Variants in DMXL1 observed in about 807,000 individuals in gnomAD.
DMXL1 encodes the protein dmX-like protein 1.
Under a neutral mutation model 319.2 loss-of-function variants are expected in DMXL1, and 99 were observed. The observed-to-expected ratio is 0.31, with a 90% CI of 0.26 to 0.37. The LOEUF is 0.37. Among genes scored for constraint, DMXL1 ranks in the 10% least tolerant of loss-of-function variants. The probability of loss-of-function intolerance (pLI) is 1.00; values close to 1 mark genes in which losing one functional copy is unlikely to be tolerated. For missense variants in DMXL1, 3,745 were observed against 3,595.6 expected, an observed-to-expected ratio of 1.04 and a Z score of -1.06; for synonymous variants, 1,385 against 1,235.2, an observed-to-expected ratio of 1.12 and a Z score of -2.54.
rs139811332 is a variant in DMXL1, at chr5:119,194,235, A to G, written c.7457+265A>G. 6.6e-5 allele frequency among the ~76,000 whole-genome samples: 10 copies of G among 152,296 alleles called. No individual in the cohort carries two copies. In the South Asian group the frequency reaches 8.3e-4, roughly 13 times the overall value. ...ATTTATCACATACCTTTGGTTGTCC[A>G]TTAATGGACCATCCGTAATTTGCAT... is the stretch of plus-strand genomic sequence containing the variant. On this transcript the variant is annotated intron_variant, in intron 30 of 43. Transcript: ENST00000539542.
chr5:119,135,354 G>C (rs1225343884), intron 13 of DMXL1, among the ~76,000 whole-genome samples: 1 of 152,134 alleles, frequency 6.6e-6, no homozygotes, highest in East Asian at 1.9e-4. Flanking sequence ...GAAGAATTAG[G>C]AATTGCCAAG....
In DMXL1 at chr5:119,164,590, G is replaced by A. The variant is rs1773020653; in HGVS notation, c.4786G>A (p.Asp1596Asn). The change falls in exon 20 of 44, where the codon GAT becomes AAT. Residue 1596 changes from aspartate to asparagine, a missense_variant. By Grantham distance (23) the Asp-to-Asn change is conservative. Coordinates refer to ENST00000539542, the MANE Select transcript of DMXL1 (RefSeq NM_001290321.3). Reference sequence around the variant, plus strand: ...GAACATGTTGCCAGCCATGCAGAAAGATGATCCCACTTGGTCTGAACTAAG... The same window carrying A: ...GAACATGTTGCCAGCCATGCAGAAAAATGATCCCACTTGGTCTGAACTAAG... ...LLNMLPAMQKDDPTWSELRAM... is the reference protein window; with the variant it reads ...LLNMLPAMQKNDPTWSELRAM... 6.2e-7 allele frequency: 1 copy of A among 1,614,196 alleles called. No homozygotes were observed. Among genetic ancestry groups the A allele is most frequent in the African/African-American group, 1.3e-5 (1 of 75,068 alleles).
At chr5:119,082,173 G>T (rs1265032396) in intron 1 of DMXL1, among the ~76,000 whole-genome samples, 4 of 151,748 alleles carry the variant, frequency 2.6e-5, no homozygotes, top group African/African-American at 7.3e-5. Context: ...GTGTAGTGGC[G>T]CAGTCGTAAC....
intron 4 of DMXL1, among the ~76,000 whole-genome samples, chr5:119,109,523 G>A (rs1226884068): frequency 6.6e-6 from 1 of 152,060 alleles, no homozygotes; most frequent in African/African-American, 2.4e-5. Flanking sequence ...TCTCACCTTG[G>A]CATTTTTTCC....
At chr5:119,217,009 T>C in intron 35 of DMXL1, 22 bp downstream of exon 35, 1 of 1,310,290 alleles carries the variant, frequency 7.6e-7, no homozygotes, top group South Asian at 1.5e-5. Context: ...GACATTCTTC[T>C]TTTGTTTATT....
intron 43 of DMXL1, among the ~76,000 whole-genome samples, chr5:119,246,793 C>T (rs112722382): frequency 0.018 from 2,708 of 151,982 alleles, 92 homozygotes; most frequent in African/African-American, 0.062. Flanking sequence ...GCCACCTCGC[C>T]GGGCTAGTTT....
At chr5:119,241,013 G>A (rs1788678699) in intron 42 of DMXL1, among the ~76,000 whole-genome samples, 3 of 152,070 alleles carry the variant, frequency 2.0e-5, no homozygotes, top group Admixed American at 2.0e-4. Context: ...GCTGACCCCT[G>A]CACAGATGAA....
intron 1 of DMXL1, among the ~76,000 whole-genome samples, chr5:119,083,400 C>G (rs1197337855): frequency 6.6e-6 from 1 of 152,066 alleles, no homozygotes; most frequent in East Asian, 1.9e-4. Context: ...GATGGGCACT[C>G]AGGTTGATTT....
chr5:119,191,125 C>T (rs1157448083), intron 29 of DMXL1, among the ~76,000 whole-genome samples: 1 of 152,140 alleles, frequency 6.6e-6, no homozygotes, highest in African/African-American at 2.4e-5. Flanking sequence ...TTAAAGGTCA[C>T]AAAACATTTG....
At chr5:119,138,681 A>T (rs1766585639) in intron 13 of DMXL1, among the ~76,000 whole-genome samples, 1 of 152,158 alleles carries the variant, frequency 6.6e-6, no homozygotes, top group Non-Finnish European at 1.5e-5. Context: ...TATTAAAAAT[A>T]TAAAAATTAG....
intron 40 of DMXL1, among the ~76,000 whole-genome samples, chr5:119,238,317 T>A (rs900526350): frequency 6.6e-6 from 1 of 152,020 alleles, no homozygotes; most frequent in African/African-American, 2.4e-5. Context: ...TGTGGTGATT[T>A]TGGGATACTT....
chr5:119,159,242 C>T (rs1771743199), intron 19 of DMXL1, among the ~76,000 whole-genome samples: 1 of 152,058 alleles, frequency 6.6e-6, no homozygotes, highest in Non-Finnish European at 1.5e-5. Flanking sequence ...AGGTGATTCT[C>T]CTACTTCAGC....
chr5:119,119,296 C>A (rs1352310019), intron 8 of DMXL1, among the ~76,000 whole-genome samples: 1 of 152,124 alleles, frequency 6.6e-6, no homozygotes, highest in Non-Finnish European at 1.5e-5. Context: ...AGATTTAACT[C>A]TGAAAATAAC....
intron 43 of DMXL1, among the ~76,000 whole-genome samples, chr5:119,245,678 T>C (rs1789616573): frequency 6.6e-6 from 1 of 151,970 alleles, no homozygotes; most frequent in Non-Finnish European, 1.5e-5. Context: ...TAGCTGGGAC[T>C]ACAGGCGTGC....
At chr5:119,129,043 C>T (rs563857980) in intron 9 of DMXL1, among the ~76,000 whole-genome samples, 168 bp from the exon 10 acceptor site, 100 of 151,826 alleles carry the variant, frequency 6.6e-4, no homozygotes, top group Non-Finnish European at 1.3e-3. Flanking sequence ...GGCAACAGAG[C>T]GAAACTCTGT....
chr5:119,187,351 G>C (rs1425357857), intron 28 of DMXL1, among the ~76,000 whole-genome samples: 1 of 152,158 alleles, frequency 6.6e-6, no homozygotes, highest in Non-Finnish European at 1.5e-5. Context: ...AAACGTTCTT[G>C]ATATTTGATT....
At chr5:119,080,348 A>G (rs1038508540) in intron 1 of DMXL1, among the ~76,000 whole-genome samples, 8 of 152,146 alleles carry the variant, frequency 5.3e-5, no homozygotes, top group Non-Finnish European at 1.0e-4. Flanking sequence ...CTTCGTCTCA[A>G]AAATAATATA....
At chr5:119,117,355 T>C (rs1761071002) in intron 7 of DMXL1, among the ~76,000 whole-genome samples, 1 of 152,200 alleles carries the variant, frequency 6.6e-6, no homozygotes, top group South Asian at 2.1e-4. Flanking sequence ...TCCCATTTTG[T>C]ACTATATGGC....
intron 40 of DMXL1, 43 bp downstream of exon 40, chr5:119,237,457 A>AT (rs990602024): frequency 8.1e-7 from 1 of 1,241,516 alleles, no homozygotes; most frequent in African/African-American, 1.5e-5. Flanking sequence ...TTGAATTTTC[A>AT]TTTTAAATAA....
Sources: allele counts gnomAD v4.1 joint callset (sites outside exome capture counted in the v4.1 genomes callset), GRCh38; gene constraint gnomAD v4.1.1; transcripts MANE v1.5; gene names NCBI Gene and HGNC (gene_info 2026-07-23, HGNC 2026-07-21).